Variants in SSH1 observed in about 807,000 individuals in gnomAD.
The protein encoded by SSH1 is slingshot protein phosphatase 1, also known as protein phosphatase Slingshot homolog 1.
Under a neutral mutation model 79.7 loss-of-function variants are expected in SSH1, and 43 were observed. The observed-to-expected ratio is 0.54, with a 90% CI of 0.42 to 0.70. The LOEUF (loss-of-function observed/expected upper bound fraction) is 0.70, where lower values mean the gene tolerates loss of function less well. Ranked by LOEUF, SSH1 falls within the 30% of genes least tolerant of loss-of-function variation. The pLI, the probability that SSH1 is intolerant of heterozygous loss-of-function variation, is 0.00. For missense variants in SSH1, 1,206 were observed against 1,358.8 expected, an observed-to-expected ratio of 0.89 and a Z score of 1.77; for synonymous variants, 599 against 538.3, an observed-to-expected ratio of 1.11 and a Z score of -1.56.
In SSH1 at chr12:108,792,537, C is replaced by A; in HGVS notation, c.1642G>T (p.Ala548Ser). The A allele has an allele frequency of 6.2e-7, 1 of 1,614,190 alleles. No individual in the cohort carries two copies. Among genetic ancestry groups the A allele is most frequent in the Non-Finnish European group, 8.5e-7 (1 of 1,180,024 alleles). The change falls in exon 14 of 15, where the codon GCA becomes TCA. Residue 548 changes from alanine to serine, a missense_variant. Around this residue, in one of 5 missense-constraint regions of SSH1, gnomAD observed 709 missense variants for 730.6 expected, o/e 0.97. Coordinates refer to ENST00000326495, the MANE Select transcript of SSH1 (RefSeq NM_018984.4). ...EALLEEAAPP[A>S]EVHRPARQPQ... ...TGTCTGGCCGGCCTGTGCACCTCTGCAGGTGGAGCAGCTTCCTCCAACAGA... is the reference window on the plus strand; with the variant it reads ...TGTCTGGCCGGCCTGTGCACCTCTGAAGGTGGAGCAGCTTCCTCCAACAGA...
chr12:108,782,457 G>C lies in SSH1; in HGVS notation c.*5531C>G, dbSNP rs949805797. On this transcript the variant is annotated 3_prime_UTR_variant, in exon 15 of 15. Coordinates refer to ENST00000326495, the MANE Select transcript of SSH1 (RefSeq NM_018984.4). ...CAAAGGACCACCCACAGGTGGGCCT[G>C]TTCTTGCTTACTGACAAAATTAGAA... 1 of 152,050 alleles carries C rather than the reference G, an allele frequency of 6.6e-6. No homozygotes were observed. Among genetic ancestry groups the C allele is most frequent in the Non-Finnish European group, 1.5e-5 (1 of 68,004 alleles). The allele number at this position is 152,050 out of a possible 1,614,324, so 9.4% of individuals were successfully genotyped here.
At chr12:108,821,155 A>C (rs1261588017) in intron 3 of SSH1, among the ~76,000 whole-genome samples, 1 of 152,040 alleles carries the variant, frequency 6.6e-6, no homozygotes, top group Admixed American at 6.6e-5. Context: ...TGAGGTGGGG[A>C]GATGGCTTGA....
At chr12:108,795,286 C>G (rs118023614) in intron 13 of SSH1, among the ~76,000 whole-genome samples, 8,652 of 151,774 alleles carry the variant, frequency 0.057, 494 homozygotes, top group East Asian at 0.31. Context: ...GAGGTGAAGT[C>G]TCACTCTGTC....
chr12:108,823,036 C>G (rs995235994), intron 3 of SSH1, among the ~76,000 whole-genome samples: 1 of 152,220 alleles, frequency 6.6e-6, no homozygotes, highest in African/African-American at 2.4e-5. Context: ...CAGGATGCTG[C>G]TGACCTTACT....
At position 108,788,970 on chromosome 12, in the gene SSH1, G is replaced by A; in HGVS notation, c.2168C>T (p.Ala723Val). The change falls in exon 15 of 15, where the codon GCA becomes GTA. Residue 723 changes from alanine (A) to valine (V), a missense_variant. Physicochemically the swap from Ala to Val is moderately conservative, Grantham distance 64. This residue lies in a region of SSH1 where 709 missense variants were observed against 730.6 expected (regional missense o/e 0.97). Transcript: ENST00000326495. ...TCCAGCCCCAGGGCCACTGGTGTCT[G>A]CCCTCCTGGAGCCTGCTGGTGGTAG... The part of the protein sequence containing the change: ...PFLPPAGSRR[A>V]DTSGPGAGAA... 2 of 1,613,312 alleles carry A rather than the reference G, an allele frequency of 1.2e-6. No homozygotes were observed. The highest frequency in any genetic ancestry group is 1.7e-6 in the Non-Finnish European group (2 of 1,179,542).
At chr12:108,823,518 C>G (rs2038204093) in intron 2 of SSH1, among the ~76,000 whole-genome samples, 157 bp from the exon 3 acceptor site, 1 of 152,208 alleles carries the variant, frequency 6.6e-6, no homozygotes, top group Non-Finnish European at 1.5e-5. Flanking sequence ...TAGTACTTTT[C>G]TCAAACCTTG....
intron 4 of SSH1, 118 bp from the exon 5 acceptor site, chr12:108,817,277 G>A: frequency 2.7e-6 from 4 of 1,487,564 alleles, no homozygotes; most frequent in Non-Finnish European, 3.6e-6. Flanking sequence ...AGTTAAAAAT[G>A]AAGAGAAAAT....
chr12:108,813,780 A>G (rs1241431115), intron 5 of SSH1, among the ~76,000 whole-genome samples: 7 of 139,160 alleles, frequency 5.0e-5, no homozygotes, highest in Non-Finnish European at 7.8e-5. Context: ...AAGGGAAGGG[A>G]AGGGGAAGGG....
At chr12:108,789,857 C>G (rs532976588) in intron 14 of SSH1, among the ~76,000 whole-genome samples, 87 of 152,292 alleles carry the variant, frequency 5.7e-4, no homozygotes, top group South Asian at 1.4e-3. Flanking sequence ...GGCTCTGTCT[C>G]TCTCTCTTTC....
intron 10 of SSH1, among the ~76,000 whole-genome samples, chr12:108,803,375 A>G (rs1297481367): frequency 6.6e-6 from 1 of 151,524 alleles, no homozygotes; most frequent in African/African-American, 2.4e-5. Flanking sequence ...AAAAAAAAAA[A>G]GAAAAGAAAA....
intron 12 of SSH1, 57 bp from the exon 13 acceptor site, chr12:108,799,257 G>C: frequency 6.9e-7 from 1 of 1,446,448 alleles, no homozygotes; most frequent in Non-Finnish European, 9.5e-7. Context: ...TGGGGAAGGA[G>C]TTAAAAAGCT....
rs939715643 is a variant in SSH1 at position 108,781,138 on chromosome 12, G to A, written c.*6850C>T. 1 of 152,140 alleles carries A rather than the reference G, an allele frequency of 6.6e-6. No homozygotes were observed. Among genetic ancestry groups the A allele is most frequent in the African/African-American group, 2.4e-5 (1 of 41,404 alleles). 9.4% of individuals were successfully genotyped at this position (152,140 alleles called of 1,614,324 possible). On this transcript the variant is annotated 3_prime_UTR_variant, in exon 15 of 15. Coordinates refer to ENST00000326495, the MANE Select transcript of SSH1 (RefSeq NM_018984.4). ...CCCCATAGAGATTTACCTAGAAGGG[G>A]CTGGGCACAGTGGCTCATGCCTATA...
chr12:108,812,088 C>T (rs1565992378), intron 5 of SSH1, among the ~76,000 whole-genome samples: 2 of 152,142 alleles, frequency 1.3e-5, no homozygotes, highest in South Asian at 2.1e-4. Context: ...TCCCAGGTAG[C>T]GCCCTGCCCC....
intron 14 of SSH1, chr12:108,792,009 T>A (rs2036522642): frequency 5.7e-6 from 8 of 1,399,888 alleles, no homozygotes; most frequent in Non-Finnish European, 7.5e-6. Flanking sequence ...ATAAGGTACA[T>A]GGGGTGAAGA....
intron 10 of SSH1, among the ~76,000 whole-genome samples, chr12:108,804,766 G>T (rs1201262215): frequency 6.6e-6 from 1 of 152,190 alleles, no homozygotes; most frequent in Non-Finnish European, 1.5e-5. Context: ...AGAAGACAAA[G>T]GGTTTGCAAG....
At chr12:108,852,929 A>G in intron 1 of SSH1, 1 of 985,424 alleles carries the variant, frequency 1.0e-6, no homozygotes, top group Non-Finnish European at 1.2e-6. Flanking sequence ...GAGTCCTGTT[A>G]GCTCAACATT....
chr12:108,802,920 C>G lies in SSH1; in HGVS notation c.955-552G>C, dbSNP rs548081935. On this transcript the variant is annotated intron_variant, in intron 10 of 14. Transcript: ENST00000326495. ...GATATTTATAATTATTTGTAATAAA[C>G]CAGTGGAAACCACCCAAACGTCCAA... Among the ~76,000 whole-genome samples the G allele has an allele frequency of 1.2e-4, 18 of 152,196 alleles. No homozygotes were observed. In the East Asian group the frequency reaches 3.5e-3, roughly 29 times the overall value.
chr12:108,790,158 T>TC (rs1202856699), intron 14 of SSH1, among the ~76,000 whole-genome samples: 1 of 151,384 alleles, frequency 6.6e-6, no homozygotes, highest in Admixed American at 6.6e-5. Flanking sequence ...TTCCAGTTTT[T>TC]TTTTTTTTTT....
intron 5 of SSH1, among the ~76,000 whole-genome samples, chr12:108,815,918 G>C (rs896821330): frequency 1.3e-5 from 2 of 152,204 alleles, no homozygotes; most frequent in African/African-American, 4.8e-5. Flanking sequence ...TCAGTCGCTA[G>C]CATGTGACTT....
Sources: gnomAD v4.1 joint callset for allele counts (sites outside exome capture counted in the v4.1 genomes callset) on GRCh38, gnomAD v4.1.1 for gene constraint, gnomAD v4.1.1 regional missense constraint, MANE v1.5 for transcripts, NCBI Gene and HGNC (gene_info 2026-07-23, HGNC 2026-07-21) for gene names.